The following PALM2AKAP2 variants were observed in gnomAD, a reference collection of about 807,000 sequenced individuals.
PALM2AKAP2 encodes PALM2 and AKAP2 fusion.
In PALM2AKAP2, 37 loss-of-function variants were observed where a neutral mutation model predicts 71.5. The ratio of observed to expected loss-of-function variants is 0.52; its 90% CI spans 0.40 to 0.68. The LOEUF is 0.68. PALM2AKAP2 is among the 30% of genes least tolerant of loss of function. The probability of loss-of-function intolerance (pLI) is 0.00; values close to 1 mark genes in which losing one functional copy is unlikely to be tolerated. For missense variants in PALM2AKAP2, 1,224 were observed against 1,191.8 expected (o/e 1.03, Z -0.40); for synonymous variants, 468 against 478.8 (o/e 0.98, Z 0.29).
chr9:109,908,488 C>A (rs1272103899), intron 3 of PALM2AKAP2, among the ~76,000 whole-genome samples: 5 of 152,188 alleles, frequency 3.3e-5, no homozygotes, highest in Admixed American at 2.6e-4. Context: ...ACCTCAAGTT[C>A]TTCATCTGTC....
chr9:109,820,453 C>T (rs1180050352), intron 1 of PALM2AKAP2, among the ~76,000 whole-genome samples: 3 of 152,238 alleles, frequency 2.0e-5, no homozygotes, highest in Non-Finnish European at 2.9e-5. Context: ...GGTTCAGTCT[C>T]AGCCCCATTC....
Position 109,931,588 on chromosome 9 carries a change from A to G in PALM2AKAP2, c.395-339A>G, listed in dbSNP as rs937344211. On this transcript the variant is annotated intron_variant, in intron 5 of 9. Transcript: ENST00000302798. The stretch of plus-strand genomic sequence containing the variant: ...CTAGTTCCATGTTTTCTATTTGTCA[A>G]TCCCACCAAGTTGATAATGGCTCCC... Among the ~76,000 whole-genome samples the G allele has an allele frequency of 5.9e-5, 9 of 152,312 alleles. No individual in the cohort carries two copies. In the South Asian group the frequency reaches 1.0e-3, roughly 18 times the overall value.
chr9:109,844,931 A>ATG (rs71373945), intron 1 of PALM2AKAP2, among the ~76,000 whole-genome samples: 55,431 of 149,248 alleles, frequency 0.37, 10,298 homozygotes, highest in Non-Finnish European at 0.4. Context: ...CCAGAAAATG[A>ATG]TGTGTGTGTG....
chr9:109,863,152 G>C lies in PALM2AKAP2; in HGVS notation c.46-4339G>C, dbSNP rs558047972. ...AGAATGGATGCAGGGAGACTAATAA[G>C]GAAACCACTACAGTAATCCAGCTGG... is the stretch of plus-strand genomic sequence containing the variant. On this transcript the variant is annotated intron_variant, in intron 1 of 9. Coordinates refer to the PALM2AKAP2 transcript ENST00000302798. Among the ~76,000 whole-genome samples, 6 of 152,334 alleles carry C rather than the reference G, an allele frequency of 3.9e-5. No homozygotes were observed. In the South Asian group the frequency reaches 1.2e-3, roughly 32 times the overall value.
At position 109,925,092 on chromosome 9, in the gene PALM2AKAP2, C is replaced by T. The variant is rs370200444; in HGVS notation, c.394+10C>T. ...TCCAGTACGGATGGAGGTAAGTGCTCTCTGCCCCGACTGTAGATGAATGTT... is the reference window on the plus strand; with the variant it reads ...TCCAGTACGGATGGAGGTAAGTGCTTTCTGCCCCGACTGTAGATGAATGTT... On this transcript the variant is annotated intron_variant, in intron 5 of 9. Coordinates refer to the PALM2AKAP2 transcript ENST00000302798. The T allele has an allele frequency of 3.8e-5, 61 of 1,614,006 alleles. No homozygotes were observed. Among genetic ancestry groups the T allele is most frequent in the Non-Finnish European group, 4.2e-5 (49 of 1,180,006 alleles).
intron 1 of PALM2AKAP2, among the ~76,000 whole-genome samples, chr9:109,660,128 C>A (rs1827368035): frequency 6.6e-6 from 1 of 152,176 alleles, no homozygotes. Context: ...GCTACTGCAC[C>A]TGACCCAAAA....
At chr9:110,100,408 C>G (rs1203166049) in intron 1 of PALM2AKAP2, among the ~76,000 whole-genome samples, 1 of 152,034 alleles carries the variant, frequency 6.6e-6, no homozygotes, top group African/African-American at 2.4e-5. Flanking sequence ...ACAGAGGTGG[C>G]TTATCATAGC....
chr9:109,780,439 G>T, upstream of PALM2AKAP2: 1 of 1,612,372 alleles, frequency 6.2e-7, no homozygotes, highest in Non-Finnish European at 8.5e-7. Context: ...GGTGACTACA[G>T]CGTGTGTTTT....
At chr9:110,132,040 T>C (rs1223322762) in intron 1 of PALM2AKAP2, among the ~76,000 whole-genome samples, 1 of 37,394 alleles carries the variant, frequency 2.7e-5, no homozygotes, top group African/African-American at 1.2e-4. Flanking sequence ...AGCGTGTGTG[T>C]GTGTGTGTGT....
At chr9:109,829,204 T>C (rs1828232590) in intron 1 of PALM2AKAP2, among the ~76,000 whole-genome samples, 1 of 152,238 alleles carries the variant, frequency 6.6e-6, no homozygotes, top group Non-Finnish European at 1.5e-5. Context: ...CCTGAGACGC[T>C]CACCTCACTT....
chr9:109,673,601 G>A (rs901194415), intron 1 of PALM2AKAP2, among the ~76,000 whole-genome samples: 1 of 152,076 alleles, frequency 6.6e-6, no homozygotes, highest in African/African-American at 2.4e-5. Flanking sequence ...TTCTGTAGAT[G>A]TCTGTCATTT....
intron 1 of PALM2AKAP2, among the ~76,000 whole-genome samples, chr9:109,796,484 T>C (rs1827256198): frequency 6.6e-6 from 1 of 152,234 alleles, no homozygotes; most frequent in African/African-American, 2.4e-5. Flanking sequence ...TGTAATGTTA[T>C]ATAAAAAGTC....
At chr9:109,696,699 A>C (rs780670217) in intron 1 of PALM2AKAP2, among the ~76,000 whole-genome samples, 26 of 152,142 alleles carry the variant, frequency 1.7e-4, no homozygotes, top group Non-Finnish European at 3.5e-4. Flanking sequence ...TTCCACCTGC[A>C]TCCCCTTCCC....
chr9:110,048,631 C>T, upstream of PALM2AKAP2: 2 of 1,415,126 alleles, frequency 1.4e-6, no homozygotes, highest in Non-Finnish European at 1.8e-6. Context: ...GGGGAAGGGG[C>T]GGGCCCCAGG....
chr9:110,097,729 C>A (rs1055332916), intron 1 of PALM2AKAP2, among the ~76,000 whole-genome samples: 1 of 143,748 alleles, frequency 7.0e-6, no homozygotes, highest in African/African-American at 2.8e-5. Flanking sequence ...GGCGGCCAGG[C>A]AGAGACGCTC....
At chr9:109,660,386 C>T (rs1827374046) in intron 1 of PALM2AKAP2, among the ~76,000 whole-genome samples, 1 of 152,072 alleles carries the variant, frequency 6.6e-6, no homozygotes, top group African/African-American at 2.4e-5. Flanking sequence ...GTGATATTCC[C>T]CACCCAGTGT....
chr9:110,158,849 C>A (rs753277643), intron 3 of PALM2AKAP2, among the ~76,000 whole-genome samples: 6 of 152,190 alleles, frequency 3.9e-5, no homozygotes, highest in Non-Finnish European at 7.3e-5. Context: ...AGGACAAAAT[C>A]TACCAATCCA....
intron 1 of PALM2AKAP2, among the ~76,000 whole-genome samples, chr9:109,827,001 C>G (rs1055256124): frequency 2.6e-5 from 4 of 152,096 alleles, no homozygotes; most frequent in Admixed American, 2.6e-4. Context: ...CCATAAAATA[C>G]TAGGTTTTTA....
chr9:109,984,070 A>G (rs1482062423), intron 6 of PALM2AKAP2, among the ~76,000 whole-genome samples: 3 of 152,224 alleles, frequency 2.0e-5, no homozygotes, highest in Admixed American at 1.3e-4. Context: ...CCTAATGTGT[A>G]TACGACTTCA....
Sources: allele counts gnomAD v4.1 joint callset (sites outside exome capture counted in the v4.1 genomes callset), GRCh38; gene constraint gnomAD v4.1.1; transcripts MANE v1.5; gene names NCBI Gene and HGNC (gene_info 2026-07-23, HGNC 2026-07-21).